Variants in CPLANE1 observed in about 807,000 individuals in gnomAD.
CPLANE1 encodes ciliogenesis and planar polarity effector 1.
In CPLANE1, 263 loss-of-function variants were observed where a neutral mutation model predicts 362.5. That is an observed-to-expected ratio of 0.73 (90% CI 0.66 to 0.80). The LOEUF (loss-of-function observed/expected upper bound fraction) is 0.80, where lower values mean the gene tolerates loss of function less well. CPLANE1 is among the 30% of genes least tolerant of loss of function. The probability of loss-of-function intolerance (pLI) is 0.00; values close to 1 mark genes in which losing one functional copy is unlikely to be tolerated. For missense variants in CPLANE1, 3,461 were observed against 3,793.4 expected (o/e 0.91, Z 2.30); for synonymous variants, 1,212 against 1,302.6 (o/e 0.93, Z 1.50).
intron 42 of CPLANE1, among the ~76,000 whole-genome samples, chr5:37,151,796 C>T (rs1374465842): frequency 6.6e-6 from 1 of 151,960 alleles, no homozygotes; most frequent in Non-Finnish European, 1.5e-5. Flanking sequence ...CACCTGTAAT[C>T]CCAGTACTTT....
intron 42 of CPLANE1, among the ~76,000 whole-genome samples, chr5:37,150,501 T>C (rs548443444): frequency 1.3e-5 from 2 of 151,736 alleles, no homozygotes; most frequent in East Asian, 1.9e-4. Flanking sequence ...TCATTGTGCC[T>C]CCCTCCCCCA....
In CPLANE1 at chr5:37,153,784, G is replaced by A. The variant is rs863225152; in HGVS notation, c.8329C>T (p.Gln2777Ter). The A allele has an allele frequency of 5.0e-6, 8 of 1,613,898 alleles. No homozygotes were observed. The highest frequency in any genetic ancestry group is 5.9e-6 in the Non-Finnish European group (7 of 1,179,886). ...AGCATTTCAGGCTTGGGGAAATCCTGTTCTATGTTTTCAGCAATGTTCTGT... is the reference window on the plus strand; with the variant it reads ...AGCATTTCAGGCTTGGGGAAATCCTATTCTATGTTTTCAGCAATGTTCTGT... Reference protein sequence around the residue: ...AIQNIAENIEQDFPKPEMLDL... With the variant: ...AIQNIAENIE The change falls in exon 42 of 53, where the codon CAG becomes TAG. Residue 2777 changes from glutamine (Q) to a stop codon, truncating the protein, a stop_gained. Transcript: ENST00000651892. LOFTEE classifies it high-confidence loss of function.
intron 47 of CPLANE1, 50 bp downstream of exon 47, chr5:37,125,194 G>T (rs1763797788): frequency 1.3e-6 from 2 of 1,531,186 alleles, no homozygotes; most frequent in Non-Finnish European, 1.8e-6. Flanking sequence ...TGCCAGGAAA[G>T]TAATTACACA....
rs745881887 is a variant in CPLANE1, at chr5:37,175,961, C to T, written c.5926G>A (p.Gly1976Arg). The T allele has an allele frequency of 1.2e-5, 19 of 1,613,058 alleles. No homozygotes were observed. Among genetic ancestry groups the T allele is most frequent in the Non-Finnish European group, 1.4e-5 (16 of 1,179,522 alleles). The stretch of plus-strand genomic sequence containing the variant: ...TGCATTGATTGAGGAGTGGTATGCC[C>T]AGGATGTGAAAAGGCTTCGATCATA... Reference protein sequence around the residue: ...KGMIEAFSHPGHTTPQSMQVD... With the variant: ...KGMIEAFSHPRHTTPQSMQVD... Residue 1976 changes from glycine to arginine, a missense_variant, in exon 31 of 53, where the codon GGG becomes AGG. By Grantham distance (125) the Gly-to-Arg change is moderately radical. Transcript: ENST00000651892.
the CPLANE1 span, among the ~76,000 whole-genome samples, chr5:37,094,981 C>T: frequency 6.6e-6 from 1 of 152,152 alleles, no homozygotes; most frequent in Admixed American, 6.6e-5. Flanking sequence ...CAGACGGATT[C>T]ACAACAGAAT....
chr5:37,080,106 A>G, the CPLANE1 span, among the ~76,000 whole-genome samples: 1 of 152,224 alleles, frequency 6.6e-6, no homozygotes, highest in East Asian at 1.9e-4. Flanking sequence ...TTCTGCTGAT[A>G]TAACAGAGTA....
chr5:37,185,915 C>T (rs927563100), intron 24 of CPLANE1, among the ~76,000 whole-genome samples: 3 of 152,152 alleles, frequency 2.0e-5, no homozygotes, highest in African/African-American at 7.2e-5. Flanking sequence ...CAAATACTTG[C>T]AATATACAAA....
intron 31 of CPLANE1, among the ~76,000 whole-genome samples, chr5:37,175,044 C>A (rs1393257680): frequency 6.6e-6 from 1 of 152,196 alleles, no homozygotes; most frequent in Non-Finnish European, 1.5e-5. Context: ...GAGGCACCCT[C>A]TGGCGACTGG....
downstream of CPLANE1, among the ~76,000 whole-genome samples, chr5:37,105,112 G>A (rs1757494084): frequency 6.6e-6 from 1 of 151,956 alleles, no homozygotes; most frequent in Admixed American, 6.6e-5. Flanking sequence ...GATGAGCCTG[G>A]GCAACATGAA....
intron 19 of CPLANE1, 119 bp downstream of exon 19, chr5:37,201,472 C>A: frequency 1.4e-6 from 1 of 734,666 alleles, no homozygotes; most frequent in East Asian, 2.7e-5. Flanking sequence ...AAGCTGGGAT[C>A]TATACGTTTG....
rs976195840 is a variant in CPLANE1 at position 37,247,523 on chromosome 5, T to C, written c.81+95A>G. 51 of 1,066,412 alleles carry C rather than the reference T, an allele frequency of 4.8e-5. No individual in the cohort carries two copies. In the Admixed American group the frequency reaches 1.2e-3, roughly 24 times the overall value. The allele number at this position is 1,066,412 out of a possible 1,614,324, so 66.1% of individuals were successfully genotyped here. A position where few individuals can be genotyped will look rare whatever the true frequency, so the allele number is the denominator to read the frequency against. On this transcript the variant is annotated intron_variant, in intron 2 of 52. Coordinates refer to ENST00000651892, the MANE Select transcript of CPLANE1 (RefSeq NM_001384732.1). ...GATCCTCCTCCAGTAGATGATGTTT[T>C]ATTTATTTAAGATCATAGAACACTC... is the stretch of plus-strand genomic sequence containing the variant.
At chr5:37,125,000 T>C (rs531759946) in intron 47 of CPLANE1, 7 of 1,261,658 alleles carry the variant, frequency 5.5e-6, no homozygotes, top group Admixed American at 4.1e-5. Flanking sequence ...TAAAATGCTA[T>C]AGCCATCATT....
intron 49 of CPLANE1, 49 bp downstream of exon 49, chr5:37,121,568 A>C: frequency 6.5e-7 from 1 of 1,546,942 alleles, no homozygotes; most frequent in Non-Finnish European, 8.9e-7. Flanking sequence ...ATTTCTTCTT[A>C]TCAGGCCTGA....
intron 6 of CPLANE1, 113 bp from the exon 7 acceptor site, chr5:37,239,982 C>G: frequency 1.6e-6 from 1 of 630,696 alleles, no homozygotes; most frequent in East Asian, 3.0e-5. Context: ...TGCACATGTA[C>G]TTAGGGAATA....
chr5:37,122,372 C>G (rs1292416900), intron 48 of CPLANE1, 58 bp downstream of exon 48: 14 of 1,309,770 alleles, frequency 1.1e-5, no homozygotes, highest in Admixed American at 8.9e-5. Flanking sequence ...AGGCATTAAT[C>G]TATGCCTCAG....
the CPLANE1 span, among the ~76,000 whole-genome samples, chr5:37,094,144 G>C: frequency 6.6e-6 from 1 of 152,178 alleles, no homozygotes; most frequent in East Asian, 1.9e-4. Context: ...GGCTGTGGCT[G>C]ACAGCACTCT....
chr5:37,164,601 T>C (rs1489495249), intron 36 of CPLANE1, among the ~76,000 whole-genome samples: 1 of 152,238 alleles, frequency 6.6e-6, no homozygotes, highest in Non-Finnish European at 1.5e-5. Flanking sequence ...AGAGTAGCTT[T>C]GATAATACTC....
At chr5:37,217,959 A>C (rs1794504970) in intron 15 of CPLANE1, among the ~76,000 whole-genome samples, 1 of 152,054 alleles carries the variant, frequency 6.6e-6, no homozygotes, top group Non-Finnish European at 1.5e-5. Context: ...CAGCCTGGTG[A>C]CAAGAGCGAG....
At chr5:37,229,365 A>G (rs1367995449) in intron 9 of CPLANE1, among the ~76,000 whole-genome samples, 1 of 151,028 alleles carries the variant, frequency 6.6e-6, no homozygotes, top group Non-Finnish European at 1.5e-5. Flanking sequence ...CCTGGCCAAC[A>G]TGGTGAAACC....
Sources: gnomAD v4.1 joint callset for allele counts (sites outside exome capture counted in the v4.1 genomes callset) on GRCh38, gnomAD v4.1.1 for gene constraint, MANE v1.5 for transcripts, NCBI Gene and HGNC (gene_info 2026-07-23, HGNC 2026-07-21) for gene names.